The following ANK3 variants were observed in gnomAD, a reference collection of about 807,000 sequenced individuals.
The protein encoded by ANK3 is ankyrin-3.
ANK3 carries 57 observed loss-of-function variants against 370.9 expected under a neutral mutation model. The observed-to-expected ratio is 0.15, with a 90% CI of 0.12 to 0.19. The LOEUF (loss-of-function observed/expected upper bound fraction) is 0.19. ANK3 is among the 10% of genes least tolerant of loss of function. The pLI is 1.00. For synonymous variants in ANK3, 1,929 were observed against 1,946.3 expected (o/e 0.99, Z 0.23); for missense variants, 4,439 against 5,302.1 (o/e 0.84, Z 5.06).
chr10:60,052,372 T>G (rs1232507016), intron 42 of ANK3, among the ~76,000 whole-genome samples: 1 of 152,200 alleles, frequency 6.6e-6, no homozygotes, highest in Non-Finnish European at 1.5e-5. Flanking sequence ...TTAGCATATT[T>G]TGGCACATAT....
chr10:60,609,413 G>A (rs1251619286), intron 2 of ANK3, among the ~76,000 whole-genome samples: 1 of 152,128 alleles, frequency 6.6e-6, no homozygotes, highest in Non-Finnish European at 1.5e-5. Context: ...CCATCACAGA[G>A]ATGAATATTG....
intron 18 of ANK3, among the ~76,000 whole-genome samples, chr10:60,177,986 C>T (rs1409153215): frequency 6.6e-6 from 1 of 152,140 alleles, no homozygotes; most frequent in Admixed American, 6.5e-5. Context: ...TTCACAATAG[C>T]CTAACTGACC....
chr10:60,514,566 C>A (rs951590616), intron 2 of ANK3, among the ~76,000 whole-genome samples: 2 of 152,134 alleles, frequency 1.3e-5, no homozygotes, highest in African/African-American at 4.8e-5. Context: ...TTCAAATAAG[C>A]TCTTTTCTAT....
intron 18 of ANK3, among the ~76,000 whole-genome samples, chr10:60,180,635 G>A (rs1202474637): frequency 2.6e-5 from 3 of 115,934 alleles, no homozygotes; most frequent in Non-Finnish European, 5.4e-5. Flanking sequence ...ACATGTTAGA[G>A]TAGATGACAC....
intron 2 of ANK3, among the ~76,000 whole-genome samples, chr10:60,524,121 C>G (rs1334049239): frequency 2.0e-5 from 3 of 152,060 alleles, no homozygotes; most frequent in Non-Finnish European, 4.4e-5. Flanking sequence ...CCACTAATGT[C>G]CTGTCCTATA....
At chr10:60,674,820 A>G (rs2079104888) in intron 1 of ANK3, among the ~76,000 whole-genome samples, 1 of 152,226 alleles carries the variant, frequency 6.6e-6, no homozygotes, top group South Asian at 2.1e-4. Flanking sequence ...ATTCTGAGTC[A>G]TCTGGATGAC....
chr10:60,089,949 A>G (rs1295025139), intron 28 of ANK3, among the ~76,000 whole-genome samples: 1 of 152,176 alleles, frequency 6.6e-6, no homozygotes, highest in African/African-American at 2.4e-5. Context: ...TAGGAAATCT[A>G]TTTGGAAAAA....
chr10:60,142,082 T>C (rs1034876706), intron 23 of ANK3, among the ~76,000 whole-genome samples: 1 of 152,196 alleles, frequency 6.6e-6, no homozygotes, highest in Non-Finnish European at 1.5e-5. Flanking sequence ...ATTCAAATAC[T>C]GTCATTCATT....
At chr10:60,475,159 C>T (rs767928641) in intron 2 of ANK3, among the ~76,000 whole-genome samples, 3 of 152,060 alleles carry the variant, frequency 2.0e-5, no homozygotes, top group Non-Finnish European at 4.4e-5. Context: ...CACACATATG[C>T]CACTATATAG....
intron 1 of ANK3, among the ~76,000 whole-genome samples, chr10:60,314,862 T>C (rs1481988744): frequency 6.6e-6 from 1 of 152,232 alleles, no homozygotes; most frequent in Non-Finnish European, 1.5e-5. Context: ...AAACTGGACA[T>C]AAACTATGAA....
At chr10:60,206,173 T>C (rs1278853962) in intron 10 of ANK3, among the ~76,000 whole-genome samples, 1 of 152,168 alleles carries the variant, frequency 6.6e-6, no homozygotes, top group Non-Finnish European at 1.5e-5. Context: ...TGGAATTCAC[T>C]CTTCCAAATA....
chr10:60,510,273 T>C (rs1244066102), intron 2 of ANK3, among the ~76,000 whole-genome samples: 1 of 152,098 alleles, frequency 6.6e-6, no homozygotes, highest in East Asian at 1.9e-4. Flanking sequence ...AATAGTACTT[T>C]CTATCGTGAA....
chr10:60,109,207 A>G (rs1461386891), intron 26 of ANK3, among the ~76,000 whole-genome samples, 153 bp from the exon 27 acceptor site: 1 of 152,246 alleles, frequency 6.6e-6, no homozygotes, highest in African/African-American at 2.4e-5. Flanking sequence ...CAGTGGAGTC[A>G]CATCAAACAT....
intron 2 of ANK3, among the ~76,000 whole-genome samples, chr10:60,598,794 A>G (rs933780975): frequency 1.3e-5 from 2 of 152,260 alleles, no homozygotes; most frequent in African/African-American, 4.8e-5. Flanking sequence ...TGAACATTAC[A>G]TCAGAAATAT....
chr10:60,240,271 T>TAC (rs1399752137), intron 7 of ANK3, among the ~76,000 whole-genome samples: 2,891 of 124,394 alleles, frequency 0.023, 99 homozygotes, highest in African/African-American at 0.054. Context: ...CACATATATA[T>TAC]ACACACACAC....
At position 60,389,565 on chromosome 10, in the gene ANK3, CA is replaced by C; in HGVS notation, c.-28del. On this transcript the variant is annotated 5_prime_UTR_variant, in exon 1 of 44. Coordinates refer to ENST00000280772, the MANE Select transcript of ANK3 (RefSeq NM_020987.5). ...ATGCATTTAAAAAGATCCTCTCAAG[CA>C]CACACGGCTTCCTTGTAAAAGGTGA... The C allele has an allele frequency of 6.2e-7, 1 of 1,611,550 alleles. No homozygotes were observed. The highest frequency in any genetic ancestry group is 8.5e-7 in the Non-Finnish European group (1 of 1,179,370).
Position 60,055,789 on chromosome 10 carries a change from T to C in ANK3, c.12934A>G (p.Lys4312Glu). The C allele has an allele frequency of 6.2e-7, 1 of 1,614,210 alleles. No individual in the cohort carries two copies. Among genetic ancestry groups the C allele is most frequent in the Non-Finnish European group, 8.5e-7 (1 of 1,180,040 alleles). Residue 4312 changes from lysine (K) to glutamate (E), a missense_variant, in exon 42 of 44, where the codon AAG becomes GAG. Lys to Glu is a moderately conservative substitution (Grantham distance 56). Coordinates refer to ENST00000280772, the MANE Select transcript of ANK3 (RefSeq NM_020987.5). ...GGTTTAGTCTCTTCTATTATAAGCT[T>C]GCTGGTTTCTTCTAGAGATTTCTGA... ...AYQKSLEETSKLIIEETKPCV... is the reference protein window; with the variant it reads ...AYQKSLEETSELIIEETKPCV...
intron 8 of ANK3, 105 bp from the exon 9 acceptor site, chr10:60,213,615 C>T (rs1005023299): frequency 6.2e-5 from 36 of 580,544 alleles, no homozygotes; most frequent in Admixed American, 1.2e-4. Context: ...TGTGGTCAAG[C>T]GGGCTTCAAA....
chr10:60,619,271 C>T (rs564913300), intron 1 of ANK3, among the ~76,000 whole-genome samples: 2 of 152,108 alleles, frequency 1.3e-5, no homozygotes, highest in African/African-American at 4.8e-5. Context: ...ACACCCACAC[C>T]CACCTTTTCT....
Sources: allele counts gnomAD v4.1 joint callset (sites outside exome capture counted in the v4.1 genomes callset), GRCh38; gene constraint gnomAD v4.1.1; transcripts MANE v1.5; gene names NCBI Gene and HGNC (gene_info 2026-07-23, HGNC 2026-07-21).